The following PLCH1 variants were observed in gnomAD, a reference collection of about 807,000 sequenced individuals.
The protein encoded by PLCH1 is phospholipase C eta 1, also known as 1-phosphatidylinositol 4,5-bisphosphate phosphodiesterase eta-1.
PLCH1 carries 60 observed loss-of-function variants against 126.7 expected under a neutral mutation model. The observed-to-expected ratio is 0.47, with a 90% CI of 0.38 to 0.59. The LOEUF is 0.59. Among genes scored for constraint, PLCH1 ranks in the 20% least tolerant of loss-of-function variants. PLCH1 has a pLI of 0.00. For synonymous variants in PLCH1, 719 were observed against 734.9 expected (o/e 0.98, Z 0.35); for missense variants, 1,723 against 2,040.0 (o/e 0.84, Z 2.99).
intron 21 of PLCH1, chr3:155,456,781 A>G (rs1233676584): frequency 6.5e-6 from 1 of 152,772 alleles, no homozygotes; most frequent in African/African-American, 2.4e-5. Context: ...CCCACTCCTT[A>G]GTAGACCCTT....
intron 21 of PLCH1, among the ~76,000 whole-genome samples, chr3:155,460,587 C>A (rs7616618): frequency 0.31 from 46,440 of 151,776 alleles, 8,349 homozygotes; most frequent in African/African-American, 0.49. Flanking sequence ...GTTAGCCCCC[C>A]CTCCAGGCCA....
chr3:155,602,525 T>C (rs1270775942), intron 2 of PLCH1, among the ~76,000 whole-genome samples: 1 of 145,560 alleles, frequency 6.9e-6, no homozygotes, highest in African/African-American at 2.7e-5. Flanking sequence ...GAGTTTGTCA[T>C]TGTGTGAACA....
At chr3:155,479,698 C>G (rs372172827), downstream of PLCH1, among the ~76,000 whole-genome samples, 10 of 152,182 alleles carry the variant, frequency 6.6e-5, no homozygotes, top group African/African-American at 2.2e-4. Flanking sequence ...TCTTTCAAGT[C>G]GCCTCACAAA....
intron 21 of PLCH1, among the ~76,000 whole-genome samples, chr3:155,469,936 C>T (rs1276839292): frequency 1.3e-5 from 2 of 152,156 alleles, no homozygotes; most frequent in African/African-American, 2.4e-5. Flanking sequence ...ACATCATCAT[C>T]ATCAAAGACC....
intron 2 of PLCH1, among the ~76,000 whole-genome samples, chr3:155,601,022 T>A (rs1234606854): frequency 6.6e-6 from 1 of 152,232 alleles, no homozygotes; most frequent in Non-Finnish European, 1.5e-5. Context: ...TAGCCCAGGC[T>A]GGAGTGCAGT....
rs1235675421 is a variant in PLCH1, at chr3:155,549,891, G to T, written c.1258C>A (p.Leu420Met). 6.2e-7 allele frequency: 1 copy of T among 1,613,306 alleles called. No individual in the cohort carries two copies. The highest frequency in any genetic ancestry group is 1.7e-5 in the Admixed American group (1 of 60,002). Reference sequence around the variant, plus strand: ...AGTTTGTCTCCGAATATTCCTTTCAGGTACTGAGCAATCTTCCTTTGCTGC... The same window carrying T: ...AGTTTGTCTCCGAATATTCCTTTCATGTACTGAGCAATCTTCCTTTGCTGC... The part of the protein sequence containing the change: ...IQQQRKIAQY[L>M]KGIFGDKLDL... Residue 420 changes from leucine (L) to methionine (M), a missense_variant, in exon 10 of 23, where the codon CTG becomes ATG. Around this residue, in one of 2 missense-constraint regions of PLCH1, gnomAD observed 776 missense variants for 1,062.9 expected, o/e 0.73. Coordinates refer to ENST00000460012, the MANE Select transcript of PLCH1 (RefSeq NM_014996.4).
intron 5 of PLCH1, among the ~76,000 whole-genome samples, chr3:155,583,964 A>G (rs1382484845): frequency 2.0e-5 from 3 of 151,932 alleles, no homozygotes; most frequent in Non-Finnish European, 2.9e-5. Flanking sequence ...AGGAAATAAA[A>G]CATATGGAAG....
At chr3:155,712,060 G>A (rs539741281) in intron 1 of PLCH1, among the ~76,000 whole-genome samples, 1 of 152,090 alleles carries the variant, frequency 6.6e-6, no homozygotes, top group Non-Finnish European at 1.5e-5. Context: ...ATTTAGTTTT[G>A]TGTAAGCCAC....
At chr3:155,693,485 A>G (rs1359719681) in intron 2 of PLCH1, among the ~76,000 whole-genome samples, 1 of 151,290 alleles carries the variant, frequency 6.6e-6, no homozygotes, top group Non-Finnish European at 1.5e-5. Context: ...AAAAAAAAAA[A>G]AAAAAAAAAA....
intron 22 of PLCH1, chr3:155,483,478 T>A: frequency 1.7e-6 from 1 of 603,116 alleles, no homozygotes; most frequent in East Asian, 3.2e-5. Flanking sequence ...AAGTTATACA[T>A]GTATTAGTTA....
Position 155,537,316 on chromosome 3 carries a change from C to T in PLCH1, c.1362+12471G>A, listed in dbSNP as rs183161972. ...CCATAAAGCATAAGTCCCACAGGGC[C>T]TATAAAACAATACAATGAAGAAAAA... is the stretch of plus-strand genomic sequence containing the variant. On this transcript the variant is annotated intron_variant, in intron 10 of 22. Coordinates refer to ENST00000460012, the MANE Select transcript of PLCH1 (RefSeq NM_014996.4). Among the ~76,000 whole-genome samples the T allele has an allele frequency of 3.3e-4, 45 of 137,028 alleles. 2 individuals carry two copies. In the East Asian group the frequency reaches 9.2e-3, roughly 28 times the overall value. The allele number at this position is 137,028 out of a possible 152,430, so 89.9% of individuals were successfully genotyped here.
In PLCH1 at chr3:155,481,164, T is replaced by C; in HGVS notation, c.4862A>G (p.His1621Arg). ...PSAPTPAVNR[H>R]STGSYIAGYL... ...GCCTGCGATGTAGGAGCCGGTGGAG[T>C]GGCGATTCACTGCAGGGGTGGGTGC... Residue 1621 changes from histidine (H) to arginine (R), a missense_variant, in exon 23 of 23, where the codon CAC becomes CGC. Physicochemically the swap from His to Arg is conservative, Grantham distance 29. Around this residue, in one of 2 missense-constraint regions of PLCH1, gnomAD observed 947 missense variants for 977.1 expected, o/e 0.97. Transcript: ENST00000460012. This position sits in a 1 kb window ranked among gnomAD's most constrained non-coding sequence, Gnocchi z 4.2. 6.2e-7 allele frequency: 1 copy of C among 1,614,068 alleles called. No individual in the cohort carries two copies. The highest frequency in any genetic ancestry group is 8.5e-7 in the Non-Finnish European group (1 of 1,180,002).
intron 10 of PLCH1, among the ~76,000 whole-genome samples, chr3:155,527,748 C>T (rs953619604): frequency 6.6e-6 from 1 of 151,780 alleles, no homozygotes; most frequent in Non-Finnish European, 1.5e-5. Flanking sequence ...GGTGAAACCC[C>T]GTCTCTACTA....
chr3:155,481,703 A>G lies in PLCH1; in HGVS notation c.4323T>C (p.Asp1441=), dbSNP rs778711824. The change falls in exon 23 of 23, where the codon GAT becomes GAC. Residue 1441 remains aspartate (D), a synonymous_variant. Transcript: ENST00000460012. This position sits in a 1 kb window ranked among gnomAD's most constrained non-coding sequence, Gnocchi z 4.2. ...AGGTCTGGAACATTTTTGCATCTGA[A>G]TCTGAGAAATGATTATGCACAAAGC... is the stretch of plus-strand genomic sequence containing the variant. ...GAGFVHNHFS[D]SDAKMFQTCV... is the part of the protein sequence containing the mutation. 3.1e-6 allele frequency: 5 copies of G among 1,614,090 alleles called. No individual in the cohort carries two copies.
At chr3:155,629,598 A>T (rs1257795178) in intron 2 of PLCH1, among the ~76,000 whole-genome samples, 1 of 151,654 alleles carries the variant, frequency 6.6e-6, no homozygotes, top group Non-Finnish European at 1.5e-5. Flanking sequence ...CACAGTCTTG[A>T]CTCTCCATTT....
chr3:155,582,927 C>T (rs1285057763), intron 6 of PLCH1, among the ~76,000 whole-genome samples: 2 of 152,000 alleles, frequency 1.3e-5, no homozygotes, highest in East Asian at 3.9e-4. Context: ...ATTCTCTTTG[C>T]TAATCAGGAC....
At chr3:155,539,326 TC>T (rs1221696243) in intron 10 of PLCH1, among the ~76,000 whole-genome samples, 2 of 152,086 alleles carry the variant, frequency 1.3e-5, no homozygotes, top group Non-Finnish European at 2.9e-5. Flanking sequence ...CTGAAAGCAT[TC>T]CCCCTGAGAA....
intron 2 of PLCH1, among the ~76,000 whole-genome samples, chr3:155,644,673 A>AT (rs1043072319): frequency 1.3e-5 from 2 of 152,164 alleles, no homozygotes; most frequent in African/African-American, 4.8e-5. Context: ...TAAAGAAACA[A>AT]TTTTTTGAAG....
chr3:155,578,819 G>A (rs577402424), intron 6 of PLCH1, among the ~76,000 whole-genome samples: 15 of 152,140 alleles, frequency 9.9e-5, no homozygotes, highest in South Asian at 4.1e-4. Flanking sequence ...AGGTATCTCC[G>A]GCCTTCCCCC....
Sources: gnomAD v4.1 joint callset for allele counts (sites outside exome capture counted in the v4.1 genomes callset) on GRCh38, gnomAD v4.1.1 for gene constraint, gnomAD v4.1.1 regional missense constraint, Gnocchi (gnomAD v3.1) non-coding constraint, MANE v1.5 for transcripts, NCBI Gene and HGNC (gene_info 2026-07-23, HGNC 2026-07-21) for gene names.